TRA2B: variants seen among roughly 807,000 people sequenced by gnomAD.
The protein encoded by TRA2B is transformer-2 protein homolog beta.
Under a neutral mutation model 41.7 loss-of-function variants are expected in TRA2B, and 14 were observed. The ratio of observed to expected loss-of-function variants is 0.34; its 90% CI spans 0.22 to 0.53. TRA2B has a LOEUF of 0.53. TRA2B is among the 20% of genes least tolerant of loss of function. TRA2B has a pLI of 0.95. For synonymous variants in TRA2B, 130 were observed against 128.8 expected (o/e 1.01, Z -0.06); for missense variants, 167 against 396.8 (o/e 0.42, Z 4.92).
Position 185,917,511 on chromosome 3 carries a change from C to A in TRA2B, c.*204G>T. Reference sequence around the variant, plus strand: ...CATGCAAAACATACTTTTCTGAAAACACTTAACTTGGAACAAAGCACCAAA... The same window carrying A: ...CATGCAAAACATACTTTTCTGAAAAAACTTAACTTGGAACAAAGCACCAAA... On this transcript the variant is annotated 3_prime_UTR_variant, in exon 9 of 9. Coordinates refer to ENST00000453386, the MANE Select transcript of TRA2B (RefSeq NM_004593.3). The A allele has an allele frequency of 2.0e-6, 1 of 508,522 alleles. No homozygotes were observed. The highest frequency in any genetic ancestry group is 3.5e-6 in the Non-Finnish European group (1 of 284,742). The allele number at this position is 508,522 out of a possible 1,614,324, so 31.5% of individuals were successfully genotyped here.
chr3:185,925,429 C>A, intron 3 of TRA2B, 35 bp downstream of exon 3: 1 of 1,602,932 alleles, frequency 6.2e-7, no homozygotes, highest in Non-Finnish European at 8.5e-7. Flanking sequence ...TAAATTTAGG[C>A]AGTTGACTGC....
At chr3:185,933,541 T>TA (rs1744230749) in intron 1 of TRA2B, among the ~76,000 whole-genome samples, 1 of 152,098 alleles carries the variant, frequency 6.6e-6, no homozygotes, top group Non-Finnish European at 1.5e-5. Context: ...ACAAACTCAT[T>TA]AAGTTGACTG....
rs113853627 is a variant in TRA2B at position 185,921,487 on chromosome 3, G to A, written c.639-300C>T. On this transcript the variant is annotated intron_variant, in intron 5 of 8. Coordinates refer to ENST00000453386, the MANE Select transcript of TRA2B (RefSeq NM_004593.3). ...TGCTCTATTTAAGAAAATTTAGGCCGGGTGCAGCAACTCACGCCTGTAATC... is the reference window on the plus strand; with the variant it reads ...TGCTCTATTTAAGAAAATTTAGGCCAGGTGCAGCAACTCACGCCTGTAATC... Among the ~76,000 whole-genome samples the A allele has an allele frequency of 3.5e-3, 533 of 152,232 alleles. 2 individuals are homozygous for A. The highest frequency in any genetic ancestry group is 0.012 in the African/African-American group (501 of 41,546).
chr3:185,917,949 C>G (rs756383658), intron 8 of TRA2B, among the ~76,000 whole-genome samples: 8 of 152,090 alleles, frequency 5.3e-5, no homozygotes, highest in Non-Finnish European at 1.0e-4. Flanking sequence ...AATCTGAGAA[C>G]TAAAGGGCTA....
chr3:185,936,201 T>C, intron 1 of TRA2B: 2 of 985,422 alleles, frequency 2.0e-6, no homozygotes, highest in Non-Finnish European at 1.2e-6. Context: ...TAATTGAATT[T>C]TTCTGTTTAA....
chr3:185,920,259 A>G (rs1261904572), intron 6 of TRA2B, among the ~76,000 whole-genome samples: 1 of 152,254 alleles, frequency 6.6e-6, no homozygotes, highest in Non-Finnish European at 1.5e-5. Flanking sequence ...GATTACAAGA[A>G]ACTGCCTGAA....
At chr3:185,922,199 T>C in intron 4 of TRA2B, 73 bp from the exon 5 acceptor site, 3 of 1,082,114 alleles carry the variant, frequency 2.8e-6, no homozygotes, top group South Asian at 2.8e-5. Flanking sequence ...ATGAGTAAGA[T>C]CCCACTGGAC....
intron 1 of TRA2B, chr3:185,934,795 T>C (rs766405828): frequency 1.5e-5 from 15 of 985,276 alleles, no homozygotes; most frequent in African/African-American, 3.5e-5. Flanking sequence ...GTTTGATGGG[T>C]TGGTGTCCAG....
rs761355152 is a variant in TRA2B at position 185,914,622 on chromosome 3, T to C, written c.*3093A>G. Among the ~76,000 whole-genome samples, 6 of 152,140 alleles carry C rather than the reference T, an allele frequency of 3.9e-5. No homozygotes were observed. The highest frequency in any genetic ancestry group is 7.4e-5 in the Non-Finnish European group (5 of 68,024). On this transcript the variant is annotated 3_prime_UTR_variant, in exon 9 of 9. Coordinates refer to ENST00000453386, the MANE Select transcript of TRA2B (RefSeq NM_004593.3). ...TTACACATAATAATCCTTTACACTA[T>C]ATACAATAATCCTTTACATTACTGT...
chr3:185,935,009 G>C, intron 1 of TRA2B: 1 of 985,398 alleles, frequency 1.0e-6, no homozygotes, highest in Non-Finnish European at 1.2e-6. Context: ...ACAATATTGA[G>C]AGGCTCAGAA....
intron 1 of TRA2B, among the ~76,000 whole-genome samples, chr3:185,937,614 C>T (rs1423135542): frequency 6.6e-6 from 1 of 152,262 alleles, no homozygotes; most frequent in East Asian, 1.9e-4. Context: ...CACATAAACC[C>T]GCCGGGGGCC....
At chr3:185,925,696 A>G in intron 2 of TRA2B, 70 bp from the exon 3 acceptor site, 1 of 1,469,658 alleles carries the variant, frequency 6.8e-7, no homozygotes, top group Non-Finnish European at 9.1e-7. Flanking sequence ...TCTGTTCTAA[A>G]GTTAAACTCC....
chr3:185,932,251 G>A (rs567503653), intron 1 of TRA2B, among the ~76,000 whole-genome samples: 5 of 152,258 alleles, frequency 3.3e-5, no homozygotes, highest in African/African-American at 7.2e-5. Flanking sequence ...AGGAAAGCAC[G>A]GACAATTCAT....
chr3:185,918,041 G>A (rs544063202), intron 8 of TRA2B, among the ~76,000 whole-genome samples: 1 of 151,954 alleles, frequency 6.6e-6, no homozygotes, highest in Non-Finnish European at 1.5e-5. Flanking sequence ...ATTATTTACT[G>A]TTTCAATTAG....
intron 3 of TRA2B, 194 bp from the exon 4 acceptor site, chr3:185,924,178 A>G (rs1233301087): frequency 4.6e-6 from 2 of 436,022 alleles, no homozygotes; most frequent in Non-Finnish European, 7.8e-6. Flanking sequence ...AAAGAATGCA[A>G]AAGAAAAAAT....
intron 1 of TRA2B, chr3:185,936,641 G>T: frequency 1.0e-6 from 1 of 984,554 alleles, no homozygotes; most frequent in Non-Finnish European, 1.2e-6. Context: ...TCTTAAGGTA[G>T]CTTTACCAAC....
At chr3:185,935,190 C>T (rs1339334854) in intron 1 of TRA2B, 5 of 985,300 alleles carry the variant, frequency 5.1e-6, no homozygotes, top group Non-Finnish European at 6.0e-6. Flanking sequence ...TGCTAGTCAA[C>T]CCCTTTACAA....
In TRA2B at chr3:185,926,728, G is replaced by A. The variant is rs759986368; in HGVS notation, c.43C>T (p.Arg15Cys). The change falls in exon 2 of 9, where the codon CGT becomes TGT. Residue 15 changes from arginine (R) to cysteine (C), a missense_variant. This residue lies in a region of TRA2B where 94 missense variants were observed against 133.4 expected (regional missense o/e 0.70). Coordinates refer to ENST00000453386, the MANE Select transcript of TRA2B (RefSeq NM_004593.3). Reference sequence around the variant, plus strand: ...GCACTTCCACTTCTGGAAGCAGAACGGGATTCCTACACGTAGATGTTAAAA... The same window carrying A: ...GCACTTCCACTTCTGGAAGCAGAACAGGATTCCTACACGTAGATGTTAAAA... ...GEQNYGERESRSASRSGSAHG... is the reference protein window; with the variant it reads ...GEQNYGERESCSASRSGSAHG... 5.6e-6 allele frequency: 9 copies of A among 1,613,938 alleles called. No homozygotes were observed. The highest frequency in any genetic ancestry group is 1.1e-5 in the South Asian group (1 of 91,076).
Position 185,915,495 on chromosome 3 carries a change from C to T in TRA2B, c.*2220G>A, listed in dbSNP as rs1380985182. Among the ~76,000 whole-genome samples, 3 of 152,186 alleles carry T rather than the reference C, an allele frequency of 2.0e-5. No homozygotes were observed. Among genetic ancestry groups the T allele is most frequent in the African/African-American group, 7.2e-5 (3 of 41,442 alleles). On this transcript the variant is annotated 3_prime_UTR_variant, in exon 9 of 9. Coordinates refer to ENST00000453386, the MANE Select transcript of TRA2B (RefSeq NM_004593.3). ...CTACGGGTAACTGCTGCCTCCCTTT[C>T]ATGAAACTGGCGACTAGCATTACAG...
Sources: gnomAD v4.1 joint callset for allele counts (sites outside exome capture counted in the v4.1 genomes callset) on GRCh38, gnomAD v4.1.1 for gene constraint, gnomAD v4.1.1 regional missense constraint, MANE v1.5 for transcripts, NCBI Gene and HGNC (gene_info 2026-07-23, HGNC 2026-07-21) for gene names.